SGCD: variants seen among roughly 807,000 people sequenced by gnomAD.
SGCD encodes delta-sarcoglycan.
SGCD carries 18 observed loss-of-function variants against 36.6 expected under a neutral mutation model. That is an observed-to-expected ratio of 0.49 (90% CI 0.34 to 0.73). SGCD has a LOEUF of 0.73. Ranked by LOEUF, SGCD falls within the 30% of genes least tolerant of loss-of-function variation. SGCD has a pLI of 0.01. For missense variants in SGCD, 387 were observed against 346.7 expected, an observed-to-expected ratio of 1.12 and a Z score of -0.92; for synonymous variants, 133 against 130.6, an observed-to-expected ratio of 1.02 and a Z score of -0.12.
intron 7 of SGCD, among the ~76,000 whole-genome samples, chr5:156,654,282 G>A (rs1763588695): frequency 6.6e-6 from 1 of 152,082 alleles, no homozygotes; most frequent in South Asian, 2.1e-4. Flanking sequence ...TGGACCTGGG[G>A]AACATAGAAT....
At chr5:156,069,815 G>A (rs1264787033) in intron 1 of SGCD, among the ~76,000 whole-genome samples, 1 of 151,918 alleles carries the variant, frequency 6.6e-6, no homozygotes, top group Non-Finnish European at 1.5e-5. Flanking sequence ...TTGAGCAGTG[G>A]TTTGTAGCTC....
chr5:155,897,559 T>A (rs1282759140), intron 1 of SGCD, among the ~76,000 whole-genome samples: 2 of 152,184 alleles, frequency 1.3e-5, no homozygotes, highest in African/African-American at 4.8e-5. Context: ...AAAACTTTTT[T>A]GACTTTTGTA....
intron 3 of SGCD, among the ~76,000 whole-genome samples, chr5:156,486,526 A>G (rs894952695): frequency 3.3e-5 from 5 of 152,046 alleles, no homozygotes; most frequent in Admixed American, 3.3e-4. Flanking sequence ...CACCCCTGCT[A>G]GTGCCCATCT....
At chr5:156,220,566 G>C (rs565069716) in intron 3 of SGCD, among the ~76,000 whole-genome samples, 1 of 152,150 alleles carries the variant, frequency 6.6e-6, no homozygotes, top group African/African-American at 2.4e-5. Context: ...TGACATAAGA[G>C]AAAATCTCTC....
chr5:155,769,475 C>T, the SGCD span, among the ~76,000 whole-genome samples: 6 of 151,284 alleles, frequency 4.0e-5, no homozygotes, highest in South Asian at 4.2e-4. Context: ...ACTTGCATAG[C>T]AGAGGGAGAA....
chr5:156,059,471 A>C (rs1192722434), intron 1 of SGCD, among the ~76,000 whole-genome samples: 1 of 146,562 alleles, frequency 6.8e-6, no homozygotes, highest in East Asian at 1.9e-4. Flanking sequence ...CCAAGATTGC[A>C]ACACATATAA....
chr5:155,975,609 C>CTTTTTTTTTTTTTTTTTTTTTTTTTTT lies in SGCD; in HGVS notation c.-282+105196_-282+105222dup, dbSNP rs763067309. Among the ~76,000 whole-genome samples the CTTTTTTTTTTTTTTTTTTTTTTTTTTT allele has an allele frequency of 3.6e-4, 10 of 28,026 alleles. 5 individuals are homozygous for CTTTTTTTTTTTTTTTTTTTTTTTTTTT. The highest frequency in any genetic ancestry group is 5.5e-4 in the Non-Finnish European group (8 of 14,592). The allele number at this position is 28,026 out of a possible 152,430, so 18.4% of individuals were successfully genotyped here. A position where few individuals can be genotyped will look rare whatever the true frequency, so the allele number is the denominator to read the frequency against. ...TGTGTTATTTATTTTTCTTTCTTTC[C>CTTTTTTTTTTTTTTTTTTTTTTTTTTT]TTTTTTTTTTTTTTTTTTTTTTTTT... On this transcript the variant is annotated intron_variant, in intron 1 of 9. Transcript: ENST00000517913.
At chr5:156,018,988 A>C (rs1024297074) in intron 1 of SGCD, among the ~76,000 whole-genome samples, 4 of 152,226 alleles carry the variant, frequency 2.6e-5, no homozygotes, top group Non-Finnish European at 5.9e-5. Flanking sequence ...AAAATCTGTC[A>C]GTCAGGGAAA....
intron 3 of SGCD, among the ~76,000 whole-genome samples, chr5:156,398,700 C>T (rs1254455355): frequency 6.6e-6 from 1 of 152,164 alleles, no homozygotes; most frequent in South Asian, 2.1e-4. Context: ...CACTTACATG[C>T]CTGGCCCATA....
Position 156,078,561 on chromosome 5 carries a change from T to TA in SGCD, c.-281-39317_-281-39316insA, listed in dbSNP as rs1561710185. ...TATTTATTTATATATATATTTATATTTATATATATATTTATATTTATATAT... is the reference window on the plus strand; with the variant it reads ...TATTTATTTATATATATATTTATATTATATATATATATTTATATTTATATAT... On this transcript the variant is annotated intron_variant, in intron 1 of 9. Transcript: ENST00000517913. Among the ~76,000 whole-genome samples, 67 of 118,284 alleles carry TA rather than the reference T, an allele frequency of 5.7e-4. 1 individual carries two copies. Among genetic ancestry groups the TA allele is most frequent in the Middle Eastern group, 4.0e-3 (1 of 252 alleles). The allele number at this position is 118,284 out of a possible 152,430, so 77.6% of individuals were successfully genotyped here.
At chr5:156,154,471 A>G (rs1261733154) in intron 3 of SGCD, among the ~76,000 whole-genome samples, 4 of 151,750 alleles carry the variant, frequency 2.6e-5, no homozygotes, top group African/African-American at 9.8e-5. Context: ...ATAAAAAACA[A>G]ATTCATTTCA....
chr5:156,145,184 TAGTG>T (rs1451333261), intron 3 of SGCD, among the ~76,000 whole-genome samples: 6 of 152,306 alleles, frequency 3.9e-5, no homozygotes, highest in Admixed American at 3.9e-4. Context: ...GTTATTGTGA[TAGTG>T]AGTGAGTTCT....
At chr5:155,815,429 T>G in the SGCD span, among the ~76,000 whole-genome samples, 1 of 152,224 alleles carries the variant, frequency 6.6e-6, no homozygotes, top group South Asian at 2.1e-4. Flanking sequence ...CTATCCATTA[T>G]CCTAGGTTAT....
rs554903925 is a variant in SGCD, at chr5:156,566,509, C to G, written c.295-22722C>G. ...GGTCTTCCATCCTTTACTTGAATGC[C>G]CTGTCACCTGCTTTCCCAAAAGTTA... On this transcript the variant is annotated intron_variant, in intron 4 of 8. Coordinates refer to ENST00000337851, the MANE Select transcript of SGCD (RefSeq NM_000337.6). Among the ~76,000 whole-genome samples the G allele has an allele frequency of 2.0e-5, 3 of 150,230 alleles. No homozygotes were observed. In the South Asian group the frequency reaches 6.2e-4, roughly 31 times the overall value.
chr5:156,268,152 C>A (rs1046361868), intron 3 of SGCD, among the ~76,000 whole-genome samples: 5 of 152,124 alleles, frequency 3.3e-5, no homozygotes, highest in Admixed American at 3.3e-4. Flanking sequence ...CATGTTCCTG[C>A]AAAAACATGA....
intron 3 of SGCD, among the ~76,000 whole-genome samples, chr5:156,412,813 G>A (rs1382377002): frequency 7.5e-6 from 1 of 133,566 alleles, no homozygotes; most frequent in Non-Finnish European, 1.6e-5. Flanking sequence ...TTTTGAGACG[G>A]AGTCTCGCTC....
At chr5:156,200,515 A>G (rs954942773) in intron 3 of SGCD, among the ~76,000 whole-genome samples, 15 of 152,170 alleles carry the variant, frequency 9.9e-5, no homozygotes, top group Admixed American at 7.2e-4. Flanking sequence ...TTAACTCAAA[A>G]TCAATTGAAG....
chr5:156,301,424 A>G (rs556918059), intron 3 of SGCD, among the ~76,000 whole-genome samples: 2 of 152,006 alleles, frequency 1.3e-5, no homozygotes, highest in South Asian at 4.1e-4. Flanking sequence ...CTGCTTTATA[A>G]CCTTTGTTGT....
At chr5:156,296,744 T>A (rs1354034817) in intron 3 of SGCD, among the ~76,000 whole-genome samples, 1 of 152,152 alleles carries the variant, frequency 6.6e-6, no homozygotes, top group Non-Finnish European at 1.5e-5. Flanking sequence ...GAGGAGCATC[T>A]GAGAGGAATG....
Sources: allele counts gnomAD v4.1 joint callset (sites outside exome capture counted in the v4.1 genomes callset), GRCh38; gene constraint gnomAD v4.1.1; transcripts MANE v1.5; gene names NCBI Gene and HGNC (gene_info 2026-07-23, HGNC 2026-07-21).